Variants in KANSL3 observed in about 807,000 individuals in gnomAD.
KANSL3 encodes the protein NSL complex protein NSL3.
KANSL3 carries 16 observed loss-of-function variants against 89.2 expected under a neutral mutation model. That is an observed-to-expected ratio of 0.18 (90% CI 0.12 to 0.27). The LOEUF (loss-of-function observed/expected upper bound fraction) is 0.27. Among genes scored for constraint, KANSL3 ranks in the 10% least tolerant of loss-of-function variants. The pLI is 1.00. For synonymous variants in KANSL3, 385 were observed against 419.7 expected, an observed-to-expected ratio of 0.92 and a Z score of 1.01; for missense variants, 879 against 1,110.6, an observed-to-expected ratio of 0.79 and a Z score of 2.96.
At chr2:96,622,754 C>T (rs949404206) in intron 3 of KANSL3, among the ~76,000 whole-genome samples, 7 of 152,194 alleles carry the variant, frequency 4.6e-5, no homozygotes, top group Admixed American at 1.3e-4. Context: ...ACTTCAGTCA[C>T]GCCGCCTTCC....
chr2:96,619,329 G>C, intron 5 of KANSL3, 30 bp downstream of exon 5: 3 of 1,588,274 alleles, frequency 1.9e-6, no homozygotes, highest in Non-Finnish European at 2.6e-6. Context: ...GCTATCCCTA[G>C]GACAGGGCAG....
intron 20 of KANSL3, 21 bp downstream of exon 20, chr2:96,601,622 A>AGTC: frequency 1.2e-6 from 2 of 1,611,702 alleles, no homozygotes; most frequent in Non-Finnish European, 1.7e-6. Context: ...CCATGTCCTC[A>AGTC]GTCCTTCCTG....
downstream of KANSL3, among the ~76,000 whole-genome samples, chr2:96,588,870 A>G (rs2066257248): frequency 6.6e-6 from 1 of 152,204 alleles, no homozygotes; most frequent in Non-Finnish European, 1.5e-5. Flanking sequence ...CTGGGATTAC[A>G]GGCTTAAGCC....
intron 15 of KANSL3, 62 bp from the exon 16 acceptor site, chr2:96,604,925 TC>T: frequency 7.3e-7 from 1 of 1,377,074 alleles, no homozygotes; most frequent in Non-Finnish European, 1.0e-6. Context: ...GTTTCCAGGT[TC>T]CACAGCTTAG....
chr2:96,605,706 C>T (rs985972161), intron 14 of KANSL3, 195 bp from the exon 15 acceptor site: 6 of 426,164 alleles, frequency 1.4e-5, no homozygotes, highest in African/African-American at 9.9e-5. Flanking sequence ...CGTGGGGGAC[C>T]CCACTTTGCC....
Position 96,595,374 on chromosome 2 carries a change from G to A in KANSL3, c.*237C>T, listed in dbSNP as rs2066444982. 1.9e-6 allele frequency: 1 copy of A among 521,934 alleles called. No individual in the cohort carries two copies. Among genetic ancestry groups the A allele is most frequent in the African/African-American group, 1.9e-5 (1 of 52,442 alleles). The allele number at this position is 521,934 out of a possible 1,614,324, so 32.3% of individuals were successfully genotyped here. On this transcript the variant is annotated 3_prime_UTR_variant, in exon 21 of 21. Transcript: ENST00000431828. Reference sequence around the variant, plus strand: ...TCCATGTACAGCCAGATCTGCTGAGGAGTCTGGGGTTCCCAGGAACCAGAT... The same window carrying A: ...TCCATGTACAGCCAGATCTGCTGAGAAGTCTGGGGTTCCCAGGAACCAGAT...
At position 96,606,847 on chromosome 2, in the gene KANSL3, A is replaced by T. The variant is rs573875253; in HGVS notation, c.1742-1336T>A. 7.0e-6 allele frequency: 3 copies of T among 428,364 alleles called. No homozygotes were observed. The Admixed American group carries it at 1.1e-4, about 15-fold the overall frequency. The allele number at this position is 428,364 out of a possible 1,614,324, so 26.5% of individuals were successfully genotyped here. A position where few individuals can be genotyped will look rare whatever the true frequency, so the allele number is the denominator to read the frequency against. Reference sequence around the variant, plus strand: ...GTCAGCAAAACAAAAGAATACAAAGAAAGAGAGAGAAAAGAACAGGAGGAA... The same window carrying T: ...GTCAGCAAAACAAAAGAATACAAAGTAAGAGAGAGAAAAGAACAGGAGGAA... On this transcript the variant is annotated intron_variant, in intron 14 of 20. Transcript: ENST00000431828.
rs774285897 is a variant in KANSL3, at chr2:96,604,256, G to A, written c.2143C>T (p.Leu715Phe). Residue 715 changes from leucine (L) to phenylalanine (F), a missense_variant, in exon 17 of 21, where the codon CTC (leucine) becomes TTC (phenylalanine). Physicochemically the swap from Leu to Phe is conservative, Grantham distance 22. Around this residue, in one of 6 missense-constraint regions of KANSL3, gnomAD observed 317 missense variants for 311.2 expected, o/e 1.02. Coordinates refer to ENST00000431828, the MANE Select transcript of KANSL3 (RefSeq NM_001115016.3). ...RLVATSPGSS[L>F]PGATSASSLL... ...ATGCTGGGCCACAAGATACCTGGGA[G>A]GGAGCTGCCAGGAGATGTGGCCACC... The A allele has an allele frequency of 8.7e-6, 14 of 1,605,518 alleles. No individual in the cohort carries two copies. Among genetic ancestry groups the A allele is most frequent in the Middle Eastern group, 1.7e-4 (1 of 6,016 alleles).
At chr2:96,619,793 A>G in intron 3 of KANSL3, 31 bp from the exon 4 acceptor site, 1 of 1,513,084 alleles carries the variant, frequency 6.6e-7, no homozygotes, top group Non-Finnish European at 9.0e-7. Context: ...AATTATAGTC[A>G]AACCCTGGGG....
At chr2:96,620,141 A>C (rs186951956) in intron 3 of KANSL3, among the ~76,000 whole-genome samples, 2 of 152,224 alleles carry the variant, frequency 1.3e-5, no homozygotes, top group African/African-American at 2.4e-5. Context: ...TTTGAATTTC[A>C]TAAGTTTTAT....
downstream of KANSL3, among the ~76,000 whole-genome samples, chr2:96,589,310 A>C (rs563902991): frequency 6.6e-6 from 1 of 152,362 alleles, no homozygotes; most frequent in Admixed American, 6.5e-5. Context: ...AGTCTACAAG[A>C]AATTCACTTG....
At chr2:96,600,677 C>G in intron 20 of KANSL3, 1 of 985,382 alleles carries the variant, frequency 1.0e-6, no homozygotes, top group Non-Finnish European at 1.2e-6. Flanking sequence ...TGTTTTTTGG[C>G]TTAACTTCTA....
At chr2:96,619,279 C>T in intron 5 of KANSL3, 80 bp downstream of exon 5, 2 of 1,365,408 alleles carry the variant, frequency 1.5e-6, no homozygotes, top group Non-Finnish European at 2.0e-6. Flanking sequence ...CAGATAATTA[C>T]TTTGCCTAAC....
In KANSL3 at chr2:96,604,848, G is replaced by A. The variant is rs1222914177; in HGVS notation, c.1949C>T (p.Pro650Leu). The A allele has an allele frequency of 1.3e-6, 2 of 1,595,394 alleles. No homozygotes were observed. Among genetic ancestry groups the A allele is most frequent in the South Asian group, 1.1e-5 (1 of 87,372 alleles). The change falls in exon 16 of 21, where the codon CCC becomes CTC. Residue 650 changes from proline to leucine, a missense_variant. Coordinates refer to ENST00000431828, the MANE Select transcript of KANSL3 (RefSeq NM_001115016.3). ...AGCCTGCCCCAGTGTCATGGTGATG[G>A]GCTTCCCACCTGCAGCTTCAAAACA... ...GSAPEAAGGK[P>L]ITMTLGQASA...
At chr2:96,618,510 A>G (rs1558733598) in intron 5 of KANSL3, among the ~76,000 whole-genome samples, 1 of 152,214 alleles carries the variant, frequency 6.6e-6, no homozygotes, top group Non-Finnish European at 1.5e-5. Context: ...TTTGTATTGG[A>G]GCAAAACACC....
At chr2:96,615,776 T>C (rs573847383) in intron 5 of KANSL3, among the ~76,000 whole-genome samples, 12 of 152,300 alleles carry the variant, frequency 7.9e-5, no homozygotes, top group Admixed American at 5.2e-4. Flanking sequence ...AGGAAAGAAA[T>C]ATTCGTGCAA....
intron 14 of KANSL3, chr2:96,606,869 G>C (rs912655175): frequency 3.5e-6 from 2 of 572,170 alleles, no homozygotes; most frequent in Non-Finnish European, 5.7e-6. Context: ...AAGAACAGGA[G>C]GAAACCAAAC....
At chr2:96,633,943 G>A (rs1349575734) in intron 2 of KANSL3, among the ~76,000 whole-genome samples, 1 of 152,198 alleles carries the variant, frequency 6.6e-6, no homozygotes, top group Non-Finnish European at 1.5e-5. Context: ...ACACGTGGCG[G>A]CAGTTACCAC....
chr2:96,635,755 G>A (rs2074142087), intron 2 of KANSL3, among the ~76,000 whole-genome samples: 2 of 152,176 alleles, frequency 1.3e-5, no homozygotes, highest in African/African-American at 4.8e-5. Context: ...TTGGGAGGCC[G>A]AGGCGGGTGG....
Sources: gnomAD v4.1 joint callset for allele counts (sites outside exome capture counted in the v4.1 genomes callset) on GRCh38, gnomAD v4.1.1 for gene constraint, gnomAD v4.1.1 regional missense constraint, MANE v1.5 for transcripts, NCBI Gene and HGNC (gene_info 2026-07-23, HGNC 2026-07-21) for gene names.